GNG12: variants seen among roughly 807,000 people sequenced by gnomAD.
The protein encoded by GNG12 is guanine nucleotide-binding protein G(I)/G(S)/G(O) subunit gamma-12.
For missense variants in GNG12, 69 were observed against 83.8 expected (o/e 0.82, Z 0.69); for synonymous variants, 28 against 29.7 (o/e 0.94, Z 0.19).
At chr1:67,753,351 C>T (rs1360213518) in intron 2 of GNG12, among the ~76,000 whole-genome samples, 1 of 121,068 alleles carries the variant, frequency 8.3e-6, no homozygotes, top group Non-Finnish European at 2.0e-5. Flanking sequence ...ATTCCAAAAC[C>T]TGAAAAAAAA....
chr1:67,739,406 A>G (rs1463788610), intron 2 of GNG12, among the ~76,000 whole-genome samples: 2 of 152,156 alleles, frequency 1.3e-5, no homozygotes, highest in Non-Finnish European at 2.9e-5. Context: ...GACCGGTATG[A>G]TCTTCACTCA....
chr1:67,802,844 C>T (rs1186083717), intron 1 of GNG12, among the ~76,000 whole-genome samples: 2 of 152,232 alleles, frequency 1.3e-5, no homozygotes, highest in Non-Finnish European at 1.5e-5. Context: ...TCTCTCCCTA[C>T]ACATGACCCT....
At chr1:67,816,007 GC>G (rs1456947219) in intron 1 of GNG12, among the ~76,000 whole-genome samples, 1 of 152,148 alleles carries the variant, frequency 6.6e-6, no homozygotes, top group African/African-American at 2.4e-5. Context: ...TGCGGCCGGG[GC>G]TCCATGATTT....
intron 2 of GNG12, among the ~76,000 whole-genome samples, chr1:67,728,958 T>C (rs1371955574): frequency 6.6e-6 from 1 of 152,174 alleles, no homozygotes; most frequent in Non-Finnish European, 1.5e-5. Flanking sequence ...AAGTGACAGT[T>C]AAGAGGTACC....
intron 2 of GNG12, among the ~76,000 whole-genome samples, chr1:67,766,482 G>C (rs74080883): frequency 6.6e-6 from 1 of 152,110 alleles, no homozygotes; most frequent in South Asian, 2.1e-4. Flanking sequence ...ATGTGATTAC[G>C]GCGGAGCATA....
At chr1:67,760,174 G>C (rs1437252989) in intron 2 of GNG12, among the ~76,000 whole-genome samples, 1 of 152,198 alleles carries the variant, frequency 6.6e-6, no homozygotes, top group African/African-American at 2.4e-5. Flanking sequence ...CCAAGGCCCT[G>C]TGACGTTCCA....
chr1:67,772,837 C>A (rs544758554), intron 2 of GNG12, among the ~76,000 whole-genome samples: 5 of 152,332 alleles, frequency 3.3e-5, no homozygotes, highest in African/African-American at 1.2e-4. Flanking sequence ...TTGGTACTCA[C>A]TACTGCTAGA....
At chr1:67,801,098 G>C (rs1016248698) in intron 1 of GNG12, among the ~76,000 whole-genome samples, 1 of 152,106 alleles carries the variant, frequency 6.6e-6, no homozygotes. Context: ...AACTTTCCTA[G>C]AGCAGAACAG....
intron 2 of GNG12, among the ~76,000 whole-genome samples, chr1:67,726,388 G>T (rs1439834936): frequency 6.6e-6 from 1 of 152,192 alleles, no homozygotes; most frequent in Admixed American, 6.5e-5. Context: ...GTCTTGGCAG[G>T]AAGTGACAGC....
chr1:67,766,820 G>A (rs1646643212), intron 2 of GNG12, among the ~76,000 whole-genome samples: 1 of 152,132 alleles, frequency 6.6e-6, no homozygotes, highest in Non-Finnish European at 1.5e-5. Context: ...TCAGGAAGAT[G>A]CCTGGACAGC....
intron 2 of GNG12, among the ~76,000 whole-genome samples, chr1:67,715,233 A>G (rs1646318950): frequency 6.6e-6 from 1 of 152,204 alleles, no homozygotes; most frequent in East Asian, 1.9e-4. Context: ...ATCTACTAAT[A>G]AATGCCAAGA....
chr1:67,730,310 G>A lies in GNG12; in HGVS notation c.-26-22598C>T, dbSNP rs532012751. Among the ~76,000 whole-genome samples, 47 of 152,248 alleles carry A rather than the reference G, an allele frequency of 3.1e-4. No individual in the cohort carries two copies. The South Asian group carries it at 7.5e-3, about 24-fold the overall frequency. On this transcript the variant is annotated intron_variant, in intron 2 of 3. Coordinates refer to ENST00000370982, the MANE Select transcript of GNG12 (RefSeq NM_018841.6). ...AGGCCAGGAGTCCGAGACCAGCCTC[G>A]CCAACATGGCGAAACTCCATCTCTA...
chr1:67,821,785 T>C (rs1646985992), intron 1 of GNG12, among the ~76,000 whole-genome samples: 1 of 151,406 alleles, frequency 6.6e-6, no homozygotes, highest in Non-Finnish European at 1.5e-5. Context: ...TTTTTTTTCT[T>C]AGTGGCACAT....
rs192738163 is a variant in GNG12 at position 67,813,918 on chromosome 1, T to C, written c.-77+19426A>G. Reference sequence around the variant, plus strand: ...AAGTATTCATATATATATGTGTATATATATATGTATATAGTAGTATATACA... The same window carrying C: ...AAGTATTCATATATATATGTGTATACATATATGTATATAGTAGTATATACA... On this transcript the variant is annotated intron_variant, in intron 1 of 3. Transcript: ENST00000370982. Among the ~76,000 whole-genome samples the C allele has an allele frequency of 1.4e-3, 206 of 152,164 alleles. 1 individual carries two copies. Among genetic ancestry groups the C allele is most frequent in the Non-Finnish European group, 2.5e-3 (169 of 67,990 alleles).
At chr1:67,822,539 C>T (rs1646990207) in intron 1 of GNG12, among the ~76,000 whole-genome samples, 1 of 152,156 alleles carries the variant, frequency 6.6e-6, no homozygotes, top group South Asian at 2.1e-4. Flanking sequence ...GAAAACAAAA[C>T]ATCCAGAGAG....
intron 2 of GNG12, among the ~76,000 whole-genome samples, chr1:67,776,507 G>C (rs940829542): frequency 6.6e-6 from 1 of 152,160 alleles, no homozygotes; most frequent in Non-Finnish European, 1.5e-5. Context: ...GAGTCTCAGT[G>C]TCAAGATGCT....
chr1:67,767,170 C>G (rs907103301), intron 2 of GNG12, among the ~76,000 whole-genome samples: 3 of 152,174 alleles, frequency 2.0e-5, no homozygotes, highest in African/African-American at 7.2e-5. Context: ...TCTTTAACTG[C>G]TGGGCCATGC....
chr1:67,724,988 G>A (rs968340223), intron 2 of GNG12, among the ~76,000 whole-genome samples: 1 of 152,138 alleles, frequency 6.6e-6, no homozygotes, highest in Non-Finnish European at 1.5e-5. Context: ...TGGAAGACAC[G>A]TTAATTATTA....
chr1:67,765,007 T>C (rs937919445), intron 2 of GNG12, among the ~76,000 whole-genome samples: 3 of 152,222 alleles, frequency 2.0e-5, no homozygotes, highest in Non-Finnish European at 2.9e-5. Context: ...CAACAGATTA[T>C]ATTGTCAAAA....
Sources: allele counts gnomAD v4.1 joint callset (sites outside exome capture counted in the v4.1 genomes callset), GRCh38; gene constraint gnomAD v4.1.1; transcripts MANE v1.5; gene names NCBI Gene and HGNC (gene_info 2026-07-23, HGNC 2026-07-21).